The following MYO10 variants were observed in gnomAD, a reference collection of about 807,000 sequenced individuals.
MYO10 encodes myosin X, also known as unconventional myosin-X.
A neutral mutation model predicts 257.3 loss-of-function variants in MYO10; 133 were observed. That is an observed-to-expected ratio of 0.52 (90% CI 0.45 to 0.60). The LOEUF (loss-of-function observed/expected upper bound fraction) is 0.60, where lower values mean the gene tolerates loss of function less well. Ranked by LOEUF, MYO10 falls within the 20% of genes least tolerant of loss-of-function variation. The pLI is 0.00. For missense variants in MYO10, 2,399 were observed against 2,635.7 expected, an observed-to-expected ratio of 0.91 and a Z score of 1.97; for synonymous variants, 1,104 against 1,028.6, an observed-to-expected ratio of 1.07 and a Z score of -1.40.
At chr5:16,900,809 G>A (rs973677290) in intron 1 of MYO10, among the ~76,000 whole-genome samples, 13 of 147,956 alleles carry the variant, frequency 8.8e-5, no homozygotes, top group East Asian at 2.0e-4. Context: ...GTGCCACCTC[G>A]GCTCATTGCA....
Position 16,754,912 on chromosome 5 carries a change from T to TCAGA in MYO10, c.1849-5_1849-4insTCTG, listed in dbSNP as rs1740483723. 1 of 1,563,782 alleles carries TCAGA rather than the reference T, an allele frequency of 6.4e-7. No individual in the cohort carries two copies. The highest frequency in any genetic ancestry group is 1.4e-5 in the African/African-American group (1 of 72,854). ...CCATTAAGGAATGCAGTGAGTCCTA[T>TCAGA]TAGAAAAAGTATATGTTGATTTAGT... On this transcript the variant is annotated splice_polypyrimidine_tract_variant and splice_region_variant and intron_variant, in intron 18 of 40. Coordinates refer to ENST00000513610, the MANE Select transcript of MYO10 (RefSeq NM_012334.3).
rs770350955 is a variant in MYO10, at chr5:16,818,108, C to T, written c.180G>A (p.Thr60=). ...CCATGTCATCCACGCCCTCCTCGTT[C>T]GTGGGGTGCATAGCAGTCACCTTCT... The part of the protein sequence containing the change: ...THQKVTAMHP[T]NEEGVDDMAS... Residue 60 remains threonine (T), a synonymous_variant, in exon 3 of 41, where the codon ACG becomes ACA. Transcript: ENST00000513610. 5.6e-6 allele frequency: 9 copies of T among 1,612,072 alleles called. No individual in the cohort carries two copies. The highest frequency in any genetic ancestry group is 3.3e-4 in the Middle Eastern group (2 of 6,080).
At position 16,821,018 on chromosome 5, in the gene MYO10, C is replaced by T. The variant is rs147922252; in HGVS notation, c.121-2851G>A. 8.2e-4 allele frequency among the ~76,000 whole-genome samples: 118 copies of T among 144,260 alleles called. No individual in the cohort carries two copies. The East Asian group carries it at 0.023, about 28-fold the overall frequency. The allele number at this position is 144,260 out of a possible 152,430, so 94.6% of individuals were successfully genotyped here. A position where few individuals can be genotyped will look rare whatever the true frequency, so the allele number is the denominator to read the frequency against. On this transcript the variant is annotated intron_variant, in intron 2 of 40. Transcript: ENST00000513610. ...CTTATATCTTAAGATACCTTATATC[C>T]TAATATATTATGTAAGATGTTTATA...
At chr5:16,739,191 CAA>C (rs1218627544) in intron 19 of MYO10, among the ~76,000 whole-genome samples, 89 of 96,508 alleles carry the variant, frequency 9.2e-4, no homozygotes, top group African/African-American at 1.8e-3. Flanking sequence ...AATCATGTCC[CAA>C]AAAAAAAAAA....
chr5:16,695,310 G>A (rs1254013300), intron 26 of MYO10, among the ~76,000 whole-genome samples: 1 of 152,104 alleles, frequency 6.6e-6, no homozygotes, highest in Admixed American at 6.5e-5. Flanking sequence ...CTCCAGCCTG[G>A]GTGACAGAGT....
intron 14 of MYO10, 97 bp downstream of exon 14, chr5:16,763,384 G>T: frequency 2.2e-6 from 2 of 906,576 alleles, no homozygotes; most frequent in Non-Finnish European, 1.8e-6. Flanking sequence ...TCACATCGTT[G>T]ATGTGCGTGT....
intron 24 of MYO10, 112 bp downstream of exon 24, chr5:16,702,431 G>T: frequency 9.7e-7 from 1 of 1,026,042 alleles, no homozygotes; most frequent in Non-Finnish European, 1.4e-6. Flanking sequence ...CTCTTAAATT[G>T]TTCTTCCTGT....
chr5:16,681,065 C>A (rs923716669), intron 32 of MYO10, among the ~76,000 whole-genome samples: 1 of 152,164 alleles, frequency 6.6e-6, no homozygotes, highest in South Asian at 2.1e-4. Context: ...CGATGCCCTG[C>A]ATCTGTTGAC....
At chr5:16,853,579 G>A (rs932549356) in intron 2 of MYO10, among the ~76,000 whole-genome samples, 1 of 152,166 alleles carries the variant, frequency 6.6e-6, no homozygotes, top group African/African-American at 2.4e-5. Context: ...TGAGGAAAAT[G>A]ATCCCTGGTA....
intron 33 of MYO10, among the ~76,000 whole-genome samples, chr5:16,677,130 CAA>C (rs1351166520): frequency 6.6e-6 from 1 of 152,084 alleles, no homozygotes; most frequent in Non-Finnish European, 1.5e-5. Context: ...ATGAAAAAAA[CAA>C]AGTTACTTTT....
intron 1 of MYO10, among the ~76,000 whole-genome samples, chr5:16,919,128 G>A (rs1745908421): frequency 1.3e-5 from 2 of 152,220 alleles, no homozygotes; most frequent in Admixed American, 6.5e-5. Flanking sequence ...TGTAATCCCA[G>A]CACTTTGAGA....
chr5:16,719,991 T>C (rs1049028603), intron 19 of MYO10, among the ~76,000 whole-genome samples: 15 of 102,034 alleles, frequency 1.5e-4, no homozygotes, highest in East Asian at 5.3e-4. Flanking sequence ...TGTGCGTGCG[T>C]GTGTGTGTGT....
chr5:16,935,619 G>A (rs768555300), intron 1 of MYO10, among the ~76,000 whole-genome samples, 169 bp downstream of exon 1: 4 of 152,084 alleles, frequency 2.6e-5, no homozygotes, highest in Non-Finnish European at 5.9e-5. Flanking sequence ...AAACCTGCCC[G>A]GGCTTACTCA....
At chr5:16,707,912 C>T (rs1351992885) in intron 21 of MYO10, among the ~76,000 whole-genome samples, 9 of 152,186 alleles carry the variant, frequency 5.9e-5, no homozygotes, top group African/African-American at 1.9e-4. Flanking sequence ...TCGCTGCCTT[C>T]GACACTGGCT....
At chr5:16,786,489 C>T (rs31571) in intron 4 of MYO10, among the ~76,000 whole-genome samples, 145,938 of 152,254 alleles carry the variant, frequency 0.96, 70,211 homozygotes, top group African/African-American at 0.99. Flanking sequence ...ATCTGCATTA[C>T]ACCAACTGAG....
At chr5:16,906,596 G>A (rs1280041115) in intron 1 of MYO10, among the ~76,000 whole-genome samples, 1 of 152,172 alleles carries the variant, frequency 6.6e-6, no homozygotes, top group East Asian at 1.9e-4. Flanking sequence ...CTGGATGTCA[G>A]AAGCCAGCAT....
At chr5:16,703,676 G>A (rs966277540) in intron 22 of MYO10, among the ~76,000 whole-genome samples, 19 of 152,038 alleles carry the variant, frequency 1.2e-4, no homozygotes, top group African/African-American at 4.3e-4. Flanking sequence ...AAGGTCAAGA[G>A]ATCGAGACCA....
At chr5:16,756,055 T>C (rs923677748) in intron 18 of MYO10, among the ~76,000 whole-genome samples, 2 of 152,164 alleles carry the variant, frequency 1.3e-5, no homozygotes, top group East Asian at 1.9e-4. Context: ...TCAAATTTTA[T>C]GATTTTTAAA....
intron 28 of MYO10, among the ~76,000 whole-genome samples, chr5:16,688,850 G>A (rs1290986879): frequency 3.9e-5 from 6 of 152,082 alleles, no homozygotes; most frequent in South Asian, 2.1e-4. Flanking sequence ...CAGGACAGAC[G>A]TTCCACGGTG....
Sources: gnomAD v4.1 joint callset for allele counts (sites outside exome capture counted in the v4.1 genomes callset) on GRCh38, gnomAD v4.1.1 for gene constraint, MANE v1.5 for transcripts, NCBI Gene and HGNC (gene_info 2026-07-23, HGNC 2026-07-21) for gene names.